NSFL1C: variants seen among roughly 807,000 people sequenced by gnomAD.
The protein encoded by NSFL1C is NSFL1 cofactor, also known as NSFL1 cofactor p47.
Under a neutral mutation model 43.1 loss-of-function variants are expected in NSFL1C, and 14 were observed. The ratio of observed to expected loss-of-function variants is 0.32; its 90% CI spans 0.21 to 0.51. The LOEUF is 0.51. NSFL1C is among the 20% of genes least tolerant of loss of function. NSFL1C has a pLI of 0.98. For synonymous variants in NSFL1C, 171 were observed against 183.5 expected (o/e 0.93, Z 0.55); for missense variants, 406 against 472.5 (o/e 0.86, Z 1.30).
chr20:1,454,390 T>C, intron 4 of NSFL1C, 85 bp from the exon 5 acceptor site: 1 of 951,196 alleles, frequency 1.1e-6, no homozygotes, highest in Non-Finnish European at 1.7e-6. Context: ...ATATCTTAGG[T>C]AAGAGGAAGA....
intron 2 of NSFL1C, chr20:1,464,047 T>G: frequency 2.7e-6 from 1 of 376,240 alleles, no homozygotes; most frequent in Non-Finnish European, 4.7e-6. Flanking sequence ...ACTTAAAAAC[T>G]TTAGAGTTGC....
rs1599934122 is a variant in NSFL1C at position 1,445,560 on chromosome 20, G to A, written c.950+106C>T. On this transcript the variant is annotated intron_variant, in intron 8 of 8. Transcript: ENST00000216879. Reference sequence around the variant, plus strand: ...GTGTCTGCTTTGGGGAAAGCATGGAGTGCCTGCTGGTATTTAGGAGGAAGA... The same window carrying A: ...GTGTCTGCTTTGGGGAAAGCATGGAATGCCTGCTGGTATTTAGGAGGAAGA... The A allele has an allele frequency of 6.2e-6, 8 of 1,295,540 alleles. No homozygotes were observed. The East Asian group carries it at 1.8e-4, about 30-fold the overall frequency. 80.3% of individuals were successfully genotyped at this position (1,295,540 alleles called of 1,614,324 possible). A position where few individuals can be genotyped will look rare whatever the true frequency, so the allele number is the denominator to read the frequency against.
intron 3 of NSFL1C, chr20:1,456,230 G>A (rs1444068744): frequency 6.4e-6 from 1 of 155,110 alleles, no homozygotes; most frequent in Non-Finnish European, 1.4e-5. Flanking sequence ...AAGGAAGTAA[G>A]CGGAATGTGA....
chr20:1,443,633 G>C lies in NSFL1C; in HGVS notation c.*116C>G. ...GATCTAAGAACCCAGAGCTATGGAG[G>C]AGACGTTGCACTGGACTGCTGGGTG... On this transcript the variant is annotated 3_prime_UTR_variant, in exon 9 of 9. Transcript: ENST00000216879. 1 of 976,900 alleles carries C rather than the reference G, an allele frequency of 1.0e-6. No individual in the cohort carries two copies. The highest frequency in any genetic ancestry group is 1.5e-6 in the Non-Finnish European group (1 of 655,654). 60.5% of individuals were successfully genotyped at this position (976,900 alleles called of 1,614,324 possible).
chr20:1,452,955 A>G, intron 6 of NSFL1C, 76 bp downstream of exon 6: 1 of 848,352 alleles, frequency 1.2e-6, no homozygotes, highest in Non-Finnish European at 2.0e-6. Context: ...CTCAAATAAT[A>G]AACATTCTGC....
chr20:1,446,096 C>A (rs1051527105), intron 7 of NSFL1C: 1 of 533,860 alleles, frequency 1.9e-6, no homozygotes, highest in African/African-American at 1.9e-5. Flanking sequence ...CGGCCTTTTT[C>A]CTCCTTGGTG....
intron 2 of NSFL1C, among the ~76,000 whole-genome samples, chr20:1,460,853 A>G (rs1343745610): frequency 6.6e-6 from 1 of 152,194 alleles, no homozygotes; most frequent in Non-Finnish European, 1.5e-5. Context: ...CCGGAAGTTT[A>G]AAGTACAACT....
chr20:1,454,250 T>G lies in NSFL1C; in HGVS notation c.500A>C (p.Tyr167Ser). 6.2e-7 allele frequency: 1 copy of G among 1,612,998 alleles called. No individual in the cohort carries two copies. The highest frequency in any genetic ancestry group is 8.5e-7 in the Non-Finnish European group (1 of 1,180,020). Residue 167 changes from tyrosine to serine, a missense_variant, in exon 5 of 9, where the codon TAT (tyrosine) becomes TCT (serine). Physicochemically the swap from Tyr to Ser is moderately radical, Grantham distance 144. This residue lies in a region of NSFL1C where 203 missense variants were observed against 216.3 expected (regional missense o/e 0.94). Transcript: ENST00000216879. Reference protein sequence around the residue: ...LGAAPEEESAYVAGEKRQHSS... With the variant: ...LGAAPEEESASVAGEKRQHSS... The stretch of plus-strand genomic sequence containing the variant: ...ATGCTGCCTCTTTTCTCCTGCCACA[T>G]AGGCAGACTCTTCCTCTGGTGCTGC...
chr20:1,449,193 A>G (rs112211760), intron 7 of NSFL1C, among the ~76,000 whole-genome samples: 4 of 152,224 alleles, frequency 2.6e-5, no homozygotes, highest in African/African-American at 4.8e-5. Context: ...GATAAAATAA[A>G]TGAAATACTT....
chr20:1,462,527 C>CT (rs5839910), intron 2 of NSFL1C, among the ~76,000 whole-genome samples: 20,359 of 145,198 alleles, frequency 0.14, 1,668 homozygotes, highest in African/African-American at 0.22. Flanking sequence ...ACTTTTATGC[C>CT]TTTTTTTTTT....
intron 7 of NSFL1C, among the ~76,000 whole-genome samples, chr20:1,452,185 G>T (rs550844709): frequency 6.6e-6 from 1 of 152,166 alleles, no homozygotes; most frequent in African/African-American, 2.4e-5. Flanking sequence ...TGTTCTACAT[G>T]CATCAGCTCA....
chr20:1,452,353 C>T, intron 7 of NSFL1C, 140 bp downstream of exon 7: 1 of 1,159,008 alleles, frequency 8.6e-7, no homozygotes, highest in South Asian at 1.5e-5. Flanking sequence ...GTTCTCCACA[C>T]TCTTCCTCCC....
At position 1,452,619 on chromosome 20, in the gene NSFL1C, G is replaced by A; in HGVS notation, c.659C>T (p.Ala220Val). The A allele has an allele frequency of 6.2e-7, 1 of 1,614,100 alleles. No individual in the cohort carries two copies. The highest frequency in any genetic ancestry group is 1.1e-5 in the South Asian group (1 of 91,076). Residue 220 changes from alanine to valine, a missense_variant, in exon 7 of 9, where the codon GCA becomes GTA. This residue lies in a region of NSFL1C where 196 missense variants were observed against 228.0 expected (regional missense o/e 0.86). Transcript: ENST00000216879. The stretch of plus-strand genomic sequence containing the variant: ...ACCGTGAGCTAGCCTCCGAAGCTCT[G>A]CTGGCACCTCCCTGTGGAAGAAAAG... ...LESIRRGEVP[A>V]ELRRLAHGGQ...
Position 1,448,096 on chromosome 20 carries a change from T to A in NSFL1C, c.786-2266A>T, listed in dbSNP as rs565542062. ...CTTCTCCTTGAGTTTCACTCCTCACTTATGAGCTGATGACCCTCAGCAAGT... is the reference window on the plus strand; with the variant it reads ...CTTCTCCTTGAGTTTCACTCCTCACATATGAGCTGATGACCCTCAGCAAGT... On this transcript the variant is annotated intron_variant, in intron 7 of 8. Transcript: ENST00000216879. Among the ~76,000 whole-genome samples, 6 of 152,348 alleles carry A rather than the reference T, an allele frequency of 3.9e-5. No individual in the cohort carries two copies. In the South Asian group the frequency reaches 1.0e-3, roughly 26 times the overall value.
intron 3 of NSFL1C, chr20:1,455,695 G>A (rs1416195427): frequency 1.3e-6 from 1 of 779,562 alleles, no homozygotes; most frequent in African/African-American, 1.7e-5. Flanking sequence ...GGGAGGGAAG[G>A]ACCACATGCC....
At position 1,445,745 on chromosome 20, in the gene NSFL1C, C is replaced by T. The variant is rs775640869; in HGVS notation, c.871G>A (p.Glu291Lys). The T allele has an allele frequency of 1.2e-5, 20 of 1,614,002 alleles. No homozygotes were observed. The highest frequency in any genetic ancestry group is 3.3e-5 in the Admixed American group (2 of 60,012). The change falls in exon 8 of 9, where the codon GAA (glutamate) becomes AAA (lysine). Residue 291 changes from glutamate (E) to lysine (K), a missense_variant. Physicochemically the swap from Glu to Lys is moderately conservative, Grantham distance 56 (BLOSUM62 1). Around this residue, in one of 3 missense-constraint regions of NSFL1C, gnomAD observed 196 missense variants for 228.0 expected, o/e 0.86. Coordinates refer to ENST00000216879, the MANE Select transcript of NSFL1C (RefSeq NM_016143.5). ...TGGATGTTTGTGGTAGGCTCTGATTCGTCGATTAAGATGGAAGAGCTGGCT... is the reference window on the plus strand; with the variant it reads ...TGGATGTTTGTGGTAGGCTCTGATTTGTCGATTAAGATGGAAGAGCTGGCT... ...AKASSSILID[E>K]SEPTTNIQIR... is the part of the protein sequence containing the mutation.
At chr20:1,458,415 C>A (rs1236666086) in intron 2 of NSFL1C, 141 bp from the exon 3 acceptor site, 5 of 634,756 alleles carry the variant, frequency 7.9e-6, no homozygotes, top group South Asian at 1.8e-5. Context: ...AAAGGTTAAT[C>A]CCCTAAGATT....
At chr20:1,452,076 A>G (rs1260823126) in intron 7 of NSFL1C, among the ~76,000 whole-genome samples, 3 of 152,334 alleles carry the variant, frequency 2.0e-5, no homozygotes, top group Non-Finnish European at 4.4e-5. Flanking sequence ...GCCTTAAGCC[A>G]TCAAGGAGAT....
chr20:1,449,836 C>G (rs142383553), intron 7 of NSFL1C, among the ~76,000 whole-genome samples: 1 of 152,160 alleles, frequency 6.6e-6, no homozygotes, highest in South Asian at 2.1e-4. Flanking sequence ...AAAATAACCA[C>G]TACAGAAGGC....
Sources: allele counts gnomAD v4.1 joint callset (sites outside exome capture counted in the v4.1 genomes callset), GRCh38; gene constraint gnomAD v4.1.1; regional missense constraint gnomAD v4.1.1; transcripts MANE v1.5; gene names NCBI Gene and HGNC (gene_info 2026-07-23, HGNC 2026-07-21).